Variants in ATRN observed in about 807,000 individuals in gnomAD.
ATRN encodes the protein attractin-2.
A neutral mutation model predicts 178.7 loss-of-function variants in ATRN; 54 were observed. The observed-to-expected ratio is 0.30, with a 90% CI of 0.24 to 0.38. The LOEUF is 0.38. Ranked by LOEUF, ATRN falls within the 10% of genes least tolerant of loss-of-function variation. ATRN has a pLI of 1.00. For synonymous variants in ATRN, 636 were observed against 663.0 expected (o/e 0.96, Z 0.63); for missense variants, 1,443 against 1,815.1 (o/e 0.79, Z 3.73).
chr20:3,478,604 C>T (rs1430316239), intron 1 of ATRN, among the ~76,000 whole-genome samples: 2 of 152,084 alleles, frequency 1.3e-5, no homozygotes, highest in African/African-American at 4.8e-5. Context: ...TTGATGGGTG[C>T]AGTAAACCAC....
Position 3,549,329 on chromosome 20 carries a change from T to A in ATRN, c.1103T>A (p.Met368Lys). Residue 368 changes from methionine (M) to lysine (K), a missense_variant, in exon 6 of 29, where the codon ATG becomes AAG. By Grantham distance (95) the Met-to-Lys change is moderately conservative. This residue lies in a region of ATRN where 862 missense variants were observed against 972.1 expected (regional missense o/e 0.89). Coordinates refer to ENST00000262919, the MANE Select transcript of ATRN (RefSeq NM_139321.3). ...GYMFNHSDYN[M>K]VLAYDLASRE... ...ATGTTCAACCACTCAGATTATAACA[T>A]GGTTCTAGCGTAAGTCGTTTTAAAC... 1 of 1,585,140 alleles carries A rather than the reference T, an allele frequency of 6.3e-7. No homozygotes were observed. Among genetic ancestry groups the A allele is most frequent in the Non-Finnish European group, 8.5e-7 (1 of 1,170,576 alleles).
chr20:3,521,529 G>C (rs188471834), intron 1 of ATRN, among the ~76,000 whole-genome samples: 14 of 152,276 alleles, frequency 9.2e-5, no homozygotes, highest in Non-Finnish European at 1.8e-4. Flanking sequence ...TGGGAAATGT[G>C]CAAATCCACA....
chr20:3,610,133 A>G (rs1042364288), intron 24 of ATRN, among the ~76,000 whole-genome samples: 1 of 152,252 alleles, frequency 6.6e-6, no homozygotes, highest in Non-Finnish European at 1.5e-5. Context: ...TCTTACTACA[A>G]TAAAAAAAGT....
intron 17 of ATRN, 24 bp from the exon 18 acceptor site, chr20:3,584,623 A>G (rs374153891): frequency 1.7e-5 from 27 of 1,549,206 alleles, no homozygotes; most frequent in Middle Eastern, 3.4e-4. Context: ...GTGATAGTCA[A>G]TTGCAACTTT....
intron 1 of ATRN, among the ~76,000 whole-genome samples, chr20:3,523,213 G>A (rs1421974185): frequency 6.6e-6 from 1 of 151,880 alleles, no homozygotes; most frequent in African/African-American, 2.4e-5. Flanking sequence ...GTTTAGAGAA[G>A]AATGTGAAAG....
chr20:3,541,076 A>ATTTTTTTTTTTTTTTT (rs1331876349), intron 3 of ATRN, among the ~76,000 whole-genome samples: 5 of 119,034 alleles, frequency 4.2e-5, no homozygotes, highest in Non-Finnish European at 5.4e-5. Flanking sequence ...ATGATAGAGG[A>ATTTTTTTTTTTTTTTT]TTTTTTTTTT....
At chr20:3,590,571 C>T (rs187992186) in intron 18 of ATRN, among the ~76,000 whole-genome samples, 38 of 151,984 alleles carry the variant, frequency 2.5e-4, no homozygotes, top group Admixed American at 2.0e-3. Context: ...AATGTTTATC[C>T]GTAAAGATGG....
At chr20:3,559,570 G>A (rs1484708628) in intron 7 of ATRN, 87 bp downstream of exon 7, 1 of 1,138,790 alleles carries the variant, frequency 8.8e-7, no homozygotes, top group Non-Finnish European at 1.3e-6. Flanking sequence ...CTACCTCAGT[G>A]TTGGTTTTTA....
intron 7 of ATRN, 114 bp downstream of exon 7, chr20:3,559,597 T>A: frequency 6.5e-6 from 5 of 769,770 alleles, no homozygotes; most frequent in Non-Finnish European, 4.3e-6. Flanking sequence ...GAAAACTTTT[T>A]ATTGGGGGCA....
At chr20:3,579,929 G>A (rs2086260532) in intron 15 of ATRN, among the ~76,000 whole-genome samples, 1 of 152,120 alleles carries the variant, frequency 6.6e-6, no homozygotes, top group South Asian at 2.1e-4. Context: ...GGTAGGAGGT[G>A]CCCTGTATTT....
chr20:3,552,097 A>G (rs1263532410), intron 6 of ATRN, among the ~76,000 whole-genome samples: 2 of 152,054 alleles, frequency 1.3e-5, no homozygotes, highest in Non-Finnish European at 2.9e-5. Flanking sequence ...CTTCTAGGAC[A>G]CCACATCCCC....
At chr20:3,622,972 C>T (rs760242567) in intron 24 of ATRN, among the ~76,000 whole-genome samples, 1 of 152,138 alleles carries the variant, frequency 6.6e-6, no homozygotes, top group South Asian at 2.1e-4. Flanking sequence ...CAGACAGTGC[C>T]CTTAGCATCC....
intron 16 of ATRN, among the ~76,000 whole-genome samples, chr20:3,583,222 G>A (rs895766858): frequency 6.6e-6 from 1 of 152,158 alleles, no homozygotes; most frequent in Non-Finnish European, 1.5e-5. Context: ...AATGAATGCC[G>A]TAGACCTTCT....
At chr20:3,508,805 A>G (rs1600053793) in intron 1 of ATRN, among the ~76,000 whole-genome samples, 1 of 151,228 alleles carries the variant, frequency 6.6e-6, no homozygotes, top group African/African-American at 2.5e-5. Context: ...ATATACACCA[A>G]CAAAGCACAA....
chr20:3,613,145 A>G (rs1360380802), intron 24 of ATRN, among the ~76,000 whole-genome samples: 1 of 152,336 alleles, frequency 6.6e-6, no homozygotes, highest in East Asian at 1.9e-4. Flanking sequence ...ATTAAGATCC[A>G]CTTATGAATG....
Position 3,576,410 on chromosome 20 carries a change from T to C in ATRN, c.2215-449T>C, listed in dbSNP as rs235547. 8.1e-3 allele frequency among the ~76,000 whole-genome samples: 1,237 copies of C among 152,300 alleles called. 20 individuals carry two copies. Among genetic ancestry groups the C allele is most frequent in the African/African-American group, 0.028 (1,167 of 41,562 alleles). On this transcript the variant is annotated intron_variant, in intron 13 of 28. Coordinates refer to ENST00000262919, the MANE Select transcript of ATRN (RefSeq NM_139321.3). ...TATATAGATTTTTAAATTTAAGTTA[T>C]AAGATGACCCAGGCTTTTATAGTTT...
chr20:3,491,000 C>T (rs1300168538), intron 1 of ATRN: 16 of 1,497,298 alleles, frequency 1.1e-5, no homozygotes, highest in Middle Eastern at 2.4e-4. Context: ...CCAGTATTGT[C>T]TCCATCTTCC....
rs192013678 is a variant in ATRN at position 3,567,273 on chromosome 20, G to A, written c.1871+1841G>A. 1.8e-4 allele frequency among the ~76,000 whole-genome samples: 28 copies of A among 152,204 alleles called. 1 individual carries two copies. The highest frequency in any genetic ancestry group is 5.2e-4 in the Admixed American group (8 of 15,300). ...TGGGAGCCTGGCCTCAACTGTCTTCGTTTGTGTTCCTAGTTCTCCTAGCAC... is the reference window on the plus strand; with the variant it reads ...TGGGAGCCTGGCCTCAACTGTCTTCATTTGTGTTCCTAGTTCTCCTAGCAC... On this transcript the variant is annotated intron_variant, in intron 11 of 28. Coordinates refer to ENST00000262919, the MANE Select transcript of ATRN (RefSeq NM_139321.3).
intron 11 of ATRN, among the ~76,000 whole-genome samples, chr20:3,570,919 G>T (rs1467135540): frequency 6.6e-6 from 1 of 152,158 alleles, no homozygotes; most frequent in Non-Finnish European, 1.5e-5. Flanking sequence ...AGAAACTGTG[G>T]TGTTCTTCTT....
Sources: allele counts gnomAD v4.1 joint callset (sites outside exome capture counted in the v4.1 genomes callset), GRCh38; gene constraint gnomAD v4.1.1; regional missense constraint gnomAD v4.1.1; transcripts MANE v1.5; gene names NCBI Gene and HGNC (gene_info 2026-07-23, HGNC 2026-07-21).